SCYL2: variants seen among roughly 807,000 people sequenced by gnomAD.
The protein encoded by SCYL2 is SCY1-like protein 2.
A neutral mutation model predicts 100.4 loss-of-function variants in SCYL2; 36 were observed. The ratio of observed to expected loss-of-function variants is 0.36; its 90% CI spans 0.27 to 0.47. SCYL2 has a LOEUF of 0.47. Ranked by LOEUF, SCYL2 falls within the 20% of genes least tolerant of loss-of-function variation. SCYL2 has a pLI of 1.00. For missense variants in SCYL2, 902 were observed against 1,083.9 expected, an observed-to-expected ratio of 0.83 and a Z score of 2.36; for synonymous variants, 330 against 359.2, an observed-to-expected ratio of 0.92 and a Z score of 0.92.
intron 1 of SCYL2, among the ~76,000 whole-genome samples, chr12:100,282,319 CTTTTTTT>C (rs1180915936): frequency 3.5e-5 from 3 of 85,598 alleles, no homozygotes; most frequent in East Asian, 3.0e-4. Flanking sequence ...CACTTTTAGT[CTTTTTTT>C]TTTTTTTTTT....
At chr12:100,307,255 T>C (rs1010804007) in intron 4 of SCYL2, among the ~76,000 whole-genome samples, 1 of 152,170 alleles carries the variant, frequency 6.6e-6, no homozygotes, top group Non-Finnish European at 1.5e-5. Context: ...ACTGTAAGGC[T>C]ACAGTAACCA....
At chr12:100,271,766 ATTC>A (rs144836561) in intron 1 of SCYL2, among the ~76,000 whole-genome samples, 2,601 of 152,308 alleles carry the variant, frequency 0.017, 73 homozygotes, top group African/African-American at 0.059. Context: ...ATAATATTTT[ATTC>A]TTGGGATTGT....
At chr12:100,280,103 G>A (rs941158925) in intron 1 of SCYL2, among the ~76,000 whole-genome samples, 1 of 152,074 alleles carries the variant, frequency 6.6e-6, no homozygotes, top group Admixed American at 6.6e-5. Context: ...TCTTACTGGG[G>A]TCAAAGGCTC....
chr12:100,291,937 G>A (rs371243455), intron 3 of SCYL2: 5 of 298,840 alleles, frequency 1.7e-5, no homozygotes, highest in East Asian at 1.4e-4. Flanking sequence ...ACATACAAGG[G>A]TATAGAATAC....
At chr12:100,321,149 G>T (rs2096355348) in intron 10 of SCYL2, among the ~76,000 whole-genome samples, 2 of 152,074 alleles carry the variant, frequency 1.3e-5, no homozygotes, top group Non-Finnish European at 2.9e-5. Context: ...GTTCTGAGTG[G>T]ATACAAACAA....
chr12:100,295,540 A>C (rs1178113532), intron 3 of SCYL2, among the ~76,000 whole-genome samples: 4 of 152,154 alleles, frequency 2.6e-5, no homozygotes, highest in Admixed American at 2.6e-4. Flanking sequence ...CACCAAAAAA[A>C]ATACGAAAAC....
intron 16 of SCYL2, 120 bp from the exon 17 acceptor site, chr12:100,337,267 C>G (rs1242666620): frequency 9.7e-6 from 12 of 1,231,468 alleles, no homozygotes; most frequent in African/African-American, 1.5e-5. Flanking sequence ...ATCACCAAGA[C>G]AAGAGTAGTT....
chr12:100,310,006 G>GTTT (rs140370696), intron 4 of SCYL2, among the ~76,000 whole-genome samples: 6 of 148,334 alleles, frequency 4.0e-5, no homozygotes, highest in African/African-American at 1.5e-4. Flanking sequence ...CTTTTATTTT[G>GTTT]TTTTTTTTTG....
chr12:100,274,590 A>T (rs1019604825), intron 1 of SCYL2, among the ~76,000 whole-genome samples: 1 of 152,196 alleles, frequency 6.6e-6, no homozygotes, highest in Admixed American at 6.5e-5. Context: ...TGGCTTTCTC[A>T]TAGAATTAAA....
chr12:100,307,347 T>A (rs9971821), intron 4 of SCYL2, among the ~76,000 whole-genome samples: 34,183 of 152,020 alleles, frequency 0.22, 4,323 homozygotes, highest in African/African-American at 0.33. Context: ...CCACACATCT[T>A]CAACCATCTG....
chr12:100,311,328 T>C (rs2096341946), intron 5 of SCYL2, 135 bp downstream of exon 5: 3 of 735,634 alleles, frequency 4.1e-6, no homozygotes, highest in Non-Finnish European at 5.8e-6. Flanking sequence ...TAGTGTTCAT[T>C]GCACTTAAGA....
rs201494510 is a variant in SCYL2 at position 100,282,623 on chromosome 12, C to A, written c.-28-320C>A. Among the ~76,000 whole-genome samples the A allele has an allele frequency of 2.0e-5, 3 of 152,164 alleles. No homozygotes were observed. The East Asian group carries it at 5.8e-4, about 29-fold the overall frequency. Reference sequence around the variant, plus strand: ...TACAGGCGTGAGCCACCATGCCCATCCCCCACTTTAAGTCTTAAAGGATCC... The same window carrying A: ...TACAGGCGTGAGCCACCATGCCCATACCCCACTTTAAGTCTTAAAGGATCC... On this transcript the variant is annotated intron_variant, in intron 1 of 17. Coordinates refer to ENST00000360820, the MANE Select transcript of SCYL2 (RefSeq NM_017988.6).
chr12:100,304,183 C>T (rs1246964482), intron 4 of SCYL2, among the ~76,000 whole-genome samples: 1 of 152,166 alleles, frequency 6.6e-6, no homozygotes, highest in African/African-American at 2.4e-5. Flanking sequence ...TGGATCTTAG[C>T]TGGCTGGGCT....
rs1409170693 is a variant in SCYL2 at position 100,337,379 on chromosome 12, G to T, written c.2026-8G>T. The T allele has an allele frequency of 1.9e-6, 3 of 1,599,496 alleles. No homozygotes were observed. The highest frequency in any genetic ancestry group is 1.1e-5 in the South Asian group (1 of 87,644). On this transcript the variant is annotated splice_polypyrimidine_tract_variant and splice_region_variant and intron_variant, in intron 16 of 17. Transcript: ENST00000360820. ...GCCGGTTGATTTTTTGCTTTATTTT[G>T]TTTTAAGGCATCACTTACACTTGAA...
intron 4 of SCYL2, among the ~76,000 whole-genome samples, chr12:100,308,989 C>T (rs2096338266): frequency 1.3e-5 from 2 of 152,022 alleles, no homozygotes; most frequent in Admixed American, 6.6e-5. Context: ...ATGGTGTAGG[C>T]AATTGAGGAC....
chr12:100,272,883 A>G (rs750087540), intron 1 of SCYL2, among the ~76,000 whole-genome samples: 1 of 152,252 alleles, frequency 6.6e-6, no homozygotes, highest in Non-Finnish European at 1.5e-5. Context: ...GTAGTTTAAC[A>G]TGTAAATACA....
chr12:100,270,472 ACTT>A (rs1566338110), intron 1 of SCYL2, among the ~76,000 whole-genome samples: 1 of 152,134 alleles, frequency 6.6e-6, no homozygotes, highest in Non-Finnish European at 1.5e-5. Flanking sequence ...AATCTGATTA[ACTT>A]CTTGTTGTAA....
In SCYL2 at chr12:100,323,804, A is replaced by C. The variant is rs922088397; in HGVS notation, c.1509+166A>C. On this transcript the variant is annotated intron_variant, in intron 11 of 17. Coordinates refer to ENST00000360820, the MANE Select transcript of SCYL2 (RefSeq NM_017988.6). ...AATGAGCTGTAGTTTTCTTTGATAC[A>C]TAATTTATAATATTGCATTCCTAAC... 46 of 432,112 alleles carry C rather than the reference A, an allele frequency of 1.1e-4. 1 individual carries two copies. The highest frequency in any genetic ancestry group is 6.0e-4 in the Middle Eastern group (2 of 3,324). 26.8% of individuals were successfully genotyped at this position (432,112 alleles called of 1,614,324 possible).
At chr12:100,337,328 T>G in intron 16 of SCYL2, 59 bp from the exon 17 acceptor site, 1 of 1,589,868 alleles carries the variant, frequency 6.3e-7, no homozygotes, top group South Asian at 1.2e-5. Flanking sequence ...GATTATCTTT[T>G]GTTTTACAAA....
Sources: gnomAD v4.1 joint callset for allele counts (sites outside exome capture counted in the v4.1 genomes callset) on GRCh38, gnomAD v4.1.1 for gene constraint, MANE v1.5 for transcripts, NCBI Gene and HGNC (gene_info 2026-07-23, HGNC 2026-07-21) for gene names.